PRDM16: variants seen among roughly 807,000 people sequenced by gnomAD.
PRDM16 encodes PR/SET domain 16.
PRDM16 carries 23 observed loss-of-function variants against 110.6 expected under a neutral mutation model. The ratio of observed to expected loss-of-function variants is 0.21; its 90% CI spans 0.15 to 0.29. PRDM16 has a LOEUF of 0.29. Among genes scored for constraint, PRDM16 ranks in the 10% least tolerant of loss-of-function variants. The pLI, the probability that PRDM16 is intolerant of heterozygous loss-of-function variation, is 1.00. For missense variants in PRDM16, 1,615 were observed against 1,794.3 expected (o/e 0.90, Z 1.81); for synonymous variants, 799 against 781.8 (o/e 1.02, Z -0.37).
At chr1:3,314,704 C>T (rs1269464874) in intron 3 of PRDM16, among the ~76,000 whole-genome samples, 1 of 152,004 alleles carries the variant, frequency 6.6e-6, no homozygotes, top group Admixed American at 6.6e-5. Context: ...AGAAAAGTTC[C>T]TCCCCCTCCT....
At chr1:3,234,634 G>A (rs781740383) in intron 2 of PRDM16, among the ~76,000 whole-genome samples, 9 of 152,324 alleles carry the variant, frequency 5.9e-5, no homozygotes, top group East Asian at 3.9e-4. Context: ...GGGCCCCACC[G>A]TGACTGTGCC....
intron 1 of PRDM16, among the ~76,000 whole-genome samples, chr1:3,107,960 G>A (rs1488171370): frequency 6.6e-6 from 1 of 152,262 alleles, no homozygotes; most frequent in Non-Finnish European, 1.5e-5. Context: ...TGAATTGTCA[G>A]GGAATAGCAA....
rs144315269 is a variant in PRDM16 at position 3,339,343 on chromosome 1, G to C, written c.439-45809G>C. Among the ~76,000 whole-genome samples the C allele has an allele frequency of 4.1e-4, 62 of 152,180 alleles. No homozygotes were observed. In the East Asian group the frequency reaches 0.011, roughly 27 times the overall value. ...AGGGTGAGGCACAGGGTGGGCCTCC[G>C]CGCATCCGTGCCCGGAAGCAGGAAC... On this transcript the variant is annotated intron_variant, in intron 3 of 16. Coordinates refer to ENST00000270722, the MANE Select transcript of PRDM16 (RefSeq NM_022114.4). The surrounding 1 kb of genome is among the most constrained non-coding windows in gnomAD (Gnocchi z 5.0).
chr1:3,097,121 C>G (rs1046267924), intron 1 of PRDM16, among the ~76,000 whole-genome samples: 1 of 152,052 alleles, frequency 6.6e-6, no homozygotes, highest in Non-Finnish European at 1.5e-5. Flanking sequence ...AGAGCGGTGC[C>G]GAGAAGTTGC....
intron 1 of PRDM16, among the ~76,000 whole-genome samples, chr1:3,092,978 G>A (rs976093295): frequency 6.6e-6 from 1 of 152,188 alleles, no homozygotes; most frequent in Non-Finnish European, 1.5e-5. Context: ...GCTTCCTGCT[G>A]CAGGGACCGA....
intron 3 of PRDM16, among the ~76,000 whole-genome samples, chr1:3,256,446 G>T (rs1640047328): frequency 6.6e-6 from 1 of 152,218 alleles, no homozygotes; most frequent in South Asian, 2.1e-4. Context: ...TGTAACAAGA[G>T]TATCACACCA....
At chr1:3,181,062 TCTTACACACCCGGTCTTACACACGGC>T (rs1557507796) in intron 1 of PRDM16, among the ~76,000 whole-genome samples, 1 of 136,228 alleles carries the variant, frequency 7.3e-6, no homozygotes, top group Non-Finnish European at 1.5e-5. Context: ...TTACACGCGG[TCTTACACACCCGGTCTTACACACGGC>T]CTTACACACG....
At chr1:3,102,646 A>G (rs893860543) in intron 1 of PRDM16, among the ~76,000 whole-genome samples, 1 of 152,140 alleles carries the variant, frequency 6.6e-6, no homozygotes, top group Non-Finnish European at 1.5e-5. Flanking sequence ...ATATGCTTTT[A>G]TGGCCCTTTC....
intron 3 of PRDM16, among the ~76,000 whole-genome samples, chr1:3,297,656 A>G (rs1641119308): frequency 6.6e-6 from 1 of 151,952 alleles, no homozygotes; most frequent in Non-Finnish European, 1.5e-5. Flanking sequence ...GGCAGAAGGG[A>G]TAAGAGAGGG....
intron 2 of PRDM16, among the ~76,000 whole-genome samples, chr1:3,200,956 G>A: frequency 6.8e-6 from 1 of 147,934 alleles, no homozygotes; most frequent in Middle Eastern, 3.2e-3. Flanking sequence ...GAAGGAGAGA[G>A]AAGAGGGAGA....
intron 2 of PRDM16, among the ~76,000 whole-genome samples, chr1:3,193,755 G>C (rs369266615): frequency 1.3e-5 from 2 of 152,234 alleles, no homozygotes; most frequent in East Asian, 1.9e-4. Flanking sequence ...GGTCTGTACT[G>C]GGGGAGGGGG....
intron 3 of PRDM16, among the ~76,000 whole-genome samples, chr1:3,372,378 G>A (rs950069443): frequency 2.6e-5 from 4 of 152,208 alleles, no homozygotes; most frequent in East Asian, 1.9e-4. Context: ...AATTCCTCCC[G>A]CATCTGCTGT....
intron 2 of PRDM16, among the ~76,000 whole-genome samples, chr1:3,194,466 A>G (rs1638403133): frequency 6.6e-6 from 1 of 152,156 alleles, no homozygotes; most frequent in African/African-American, 2.4e-5. Context: ...GAAGGGGTAG[A>G]CCATGGCAGG....
At chr1:3,402,398 A>ATATTTATTATAT (rs1404274165) in intron 5 of PRDM16, among the ~76,000 whole-genome samples, 2 of 152,252 alleles carry the variant, frequency 1.3e-5, no homozygotes, top group Non-Finnish European at 2.9e-5. Flanking sequence ...AATTTATTAT[A>ATATTTATTATAT]TGCACTGGAG....
intron 1 of PRDM16, among the ~76,000 whole-genome samples, chr1:3,095,433 G>A (rs1318750529): frequency 6.6e-6 from 1 of 152,154 alleles, no homozygotes; most frequent in African/African-American, 2.4e-5. Flanking sequence ...CCCCCTCCTG[G>A]GGTGGGGGGC....
chr1:3,237,728 G>A (rs1302822767), intron 2 of PRDM16, among the ~76,000 whole-genome samples: 8 of 152,252 alleles, frequency 5.3e-5, no homozygotes, highest in African/African-American at 1.9e-4. Flanking sequence ...CCAAGGGGCA[G>A]CACTCACAGG....
chr1:3,218,270 A>G (rs1392234605), intron 2 of PRDM16, among the ~76,000 whole-genome samples: 1 of 152,236 alleles, frequency 6.6e-6, no homozygotes. Flanking sequence ...TTCCGGCTTC[A>G]TATTCACATA....
chr1:3,104,654 C>G (rs1220136955), intron 1 of PRDM16, among the ~76,000 whole-genome samples: 1 of 123,178 alleles, frequency 8.1e-6, no homozygotes, highest in South Asian at 2.6e-4. Context: ...CCCCTTCATT[C>G]AGAGCTGCAG....
chr1:3,280,679 A>G (rs1001009509), intron 3 of PRDM16, among the ~76,000 whole-genome samples: 5 of 152,206 alleles, frequency 3.3e-5, no homozygotes, highest in Admixed American at 2.6e-4. Context: ...ACCTTCTCTG[A>G]GGCATGAAGG....
Sources: gnomAD v4.1 joint callset for allele counts (sites outside exome capture counted in the v4.1 genomes callset) on GRCh38, gnomAD v4.1.1 for gene constraint, Gnocchi (gnomAD v3.1) non-coding constraint, MANE v1.5 for transcripts, NCBI Gene and HGNC (gene_info 2026-07-23, HGNC 2026-07-21) for gene names.